NRXN1: variants seen among roughly 807,000 people sequenced by gnomAD.
NRXN1 encodes the protein neurexin-1.
NRXN1 carries 39 observed loss-of-function variants against 150.9 expected under a neutral mutation model. The ratio of observed to expected loss-of-function variants is 0.26; its 90% confidence interval spans 0.20 to 0.34. The LOEUF is 0.34. NRXN1 is among the 10% of genes least tolerant of loss of function. The probability of loss-of-function intolerance (pLI) is 1.00; values close to 1 mark genes in which losing one functional copy is unlikely to be tolerated. For missense variants in NRXN1, 1,815 were observed against 1,949.9 expected (o/e 0.93, Z 1.30); for synonymous variants, 924 against 757.0 (o/e 1.22, Z -3.62).
At chr2:50,188,453 A>G (rs1217043256) in intron 18 of NRXN1, among the ~76,000 whole-genome samples, 1 of 152,234 alleles carries the variant, frequency 6.6e-6, no homozygotes, top group Non-Finnish European at 1.5e-5. Context: ...CATTCAGGAC[A>G]TAAGCATGGG....
intron 10 of NRXN1, among the ~76,000 whole-genome samples, chr2:50,534,359 G>T (rs1184645494): frequency 6.6e-6 from 1 of 152,078 alleles, no homozygotes; most frequent in African/African-American, 2.4e-5. Context: ...AATGCCCTAA[G>T]CACTGATAAA....
At chr2:50,695,996 CCAT>C (rs1346761136) in intron 5 of NRXN1, among the ~76,000 whole-genome samples, 2 of 152,038 alleles carry the variant, frequency 1.3e-5, no homozygotes, top group Non-Finnish European at 2.9e-5. Flanking sequence ...GCGCCCACCA[CCAT>C]GCTTGGCTAA....
intron 9 of NRXN1, among the ~76,000 whole-genome samples, chr2:50,544,552 A>G (rs1263073049): frequency 1.3e-5 from 2 of 152,142 alleles, no homozygotes; most frequent in Non-Finnish European, 2.9e-5. Flanking sequence ...AATTAAATCA[A>G]TATATGAAAA....
chr2:50,378,342 G>A (rs980434033), intron 17 of NRXN1, among the ~76,000 whole-genome samples: 7 of 152,140 alleles, frequency 4.6e-5, no homozygotes, highest in African/African-American at 1.7e-4. Context: ...TAAACTCATC[G>A]TAAGTTGAAA....
At chr2:50,951,850 A>G (rs1691386004) in intron 2 of NRXN1, among the ~76,000 whole-genome samples, 1 of 150,684 alleles carries the variant, frequency 6.6e-6, no homozygotes, top group Non-Finnish European at 1.5e-5. Flanking sequence ...GATTTTAAAA[A>G]TAATATATGT....
intron 18 of NRXN1, among the ~76,000 whole-genome samples, chr2:50,099,320 T>C (rs1361633491): frequency 6.6e-6 from 1 of 151,718 alleles, no homozygotes. Context: ...CCAGAATACC[T>C]TTCTTTACTT....
intron 8 of NRXN1, among the ~76,000 whole-genome samples, chr2:50,574,302 A>C (rs1020983549): frequency 6.6e-6 from 1 of 152,140 alleles, no homozygotes; most frequent in African/African-American, 2.4e-5. Flanking sequence ...ATGATTTAAG[A>C]GGATGTCGCT....
chr2:50,410,618 T>C (rs1357203242), intron 17 of NRXN1, among the ~76,000 whole-genome samples: 3 of 152,122 alleles, frequency 2.0e-5, no homozygotes, highest in Admixed American at 1.3e-4. Flanking sequence ...TAAACTAAGA[T>C]GAAATTTTAA....
intron 5 of NRXN1, among the ~76,000 whole-genome samples, chr2:50,910,062 C>CA (rs964017392): frequency 6.0e-5 from 9 of 150,230 alleles, no homozygotes; most frequent in East Asian, 2.0e-4. Context: ...TAAAATGAAA[C>CA]AAAAAAAATG....
At chr2:50,860,481 G>A in intron 5 of NRXN1, among the ~76,000 whole-genome samples, 1 of 152,096 alleles carries the variant, frequency 6.6e-6, no homozygotes, top group East Asian at 1.9e-4. Context: ...GTGAAAAGAT[G>A]AAAGGTGAAA....
chr2:50,961,764 G>A (rs958920632), intron 2 of NRXN1, among the ~76,000 whole-genome samples: 2 of 151,640 alleles, frequency 1.3e-5, no homozygotes, highest in African/African-American at 4.8e-5. Context: ...TCCAGACACA[G>A]CATTTGTGAT....
intron 5 of NRXN1, among the ~76,000 whole-genome samples, chr2:50,724,239 T>C (rs984818554): frequency 1.3e-5 from 2 of 152,288 alleles, no homozygotes; most frequent in Non-Finnish European, 1.5e-5. Context: ...TAGCAGGGCA[T>C]ACAGTACTAT....
intron 5 of NRXN1, among the ~76,000 whole-genome samples, chr2:50,837,556 A>G (rs1221044924): frequency 6.6e-6 from 1 of 152,144 alleles, no homozygotes; most frequent in Non-Finnish European, 1.5e-5. Context: ...TTTACTGGCT[A>G]TTTGTTAAGT....
chr2:50,130,738 A>T (rs1705340358), intron 18 of NRXN1, among the ~76,000 whole-genome samples: 1 of 152,314 alleles, frequency 6.6e-6, no homozygotes, highest in African/African-American at 2.4e-5. Context: ...AACCATTTAT[A>T]TGTTAATCAG....
chr2:50,334,679 T>C (rs980103949), intron 17 of NRXN1, among the ~76,000 whole-genome samples: 2 of 152,198 alleles, frequency 1.3e-5, no homozygotes, highest in Admixed American at 1.3e-4. Flanking sequence ...GATATTCATA[T>C]TGGCTCCAGA....
At chr2:50,389,042 C>T (rs917992337) in intron 17 of NRXN1, among the ~76,000 whole-genome samples, 1 of 151,906 alleles carries the variant, frequency 6.6e-6, no homozygotes, top group Non-Finnish European at 1.5e-5. Context: ...GTGGTGTGCA[C>T]CTGTAGTCCC....
At chr2:50,397,366 C>T (rs997970209) in intron 17 of NRXN1, among the ~76,000 whole-genome samples, 16 of 152,014 alleles carry the variant, frequency 1.1e-4, no homozygotes, top group Non-Finnish European at 4.4e-5. Context: ...TCTAAGGTTT[C>T]TGCTTGTTGT....
In NRXN1 at chr2:49,919,701, G is replaced by GA. The variant is rs1667876216; in HGVS notation, c.*2242dup. On this transcript the variant is annotated 3_prime_UTR_variant, in exon 23 of 23. Coordinates refer to ENST00000401669, the MANE Select transcript of NRXN1 (RefSeq NM_001330078.2). ...TTTAATGTGGCAAATTAAAAAAAAT[G>GA]AAAATCTAGAAAAGAAGCAATGGAT... 6.6e-6 allele frequency: 1 copy of GA among 151,946 alleles called. No homozygotes were observed. Among genetic ancestry groups the GA allele is most frequent in the Non-Finnish European group, 1.5e-5 (1 of 67,926 alleles). 9.4% of individuals were successfully genotyped at this position (151,946 alleles called of 1,614,324 possible).
At chr2:50,341,934 T>G (rs1047025382) in intron 17 of NRXN1, among the ~76,000 whole-genome samples, 3 of 152,214 alleles carry the variant, frequency 2.0e-5, no homozygotes, top group African/African-American at 7.2e-5. Context: ...AACTATGTAT[T>G]TTTAAGGAAA....
Sources: allele counts gnomAD v4.1 joint callset (sites outside exome capture counted in the v4.1 genomes callset), GRCh38; gene constraint gnomAD v4.1.1; transcripts MANE v1.5; gene names NCBI Gene and HGNC (gene_info 2026-07-23, HGNC 2026-07-21).